PREX1: variants seen among roughly 807,000 people sequenced by gnomAD.
PREX1 encodes the protein phosphatidylinositol 3,4,5-trisphosphate-dependent Rac exchanger 1 protein.
In PREX1, 41 loss-of-function variants were observed where a neutral mutation model predicts 198.3. The ratio of observed to expected loss-of-function variants is 0.21; its 90% confidence interval spans 0.16 to 0.27. The LOEUF is 0.27. Among genes scored for constraint, PREX1 ranks in the 10% least tolerant of loss-of-function variants. The pLI is 1.00. For missense variants in PREX1, 1,620 were observed against 2,200.7 expected, an observed-to-expected ratio of 0.74 and a Z score of 5.28; for synonymous variants, 843 against 887.2, an observed-to-expected ratio of 0.95 and a Z score of 0.89.
intron 1 of PREX1, among the ~76,000 whole-genome samples, chr20:48,762,837 G>C (rs2090188928): frequency 6.6e-6 from 1 of 151,974 alleles, no homozygotes; most frequent in African/African-American, 2.4e-5. Context: ...CAAGTAGCTG[G>C]GATTACAGGT....
At position 48,649,981 on chromosome 20, in the gene PREX1, GAC is replaced by G; in HGVS notation, c.3028+13_3028+14del. The G allele has an allele frequency of 6.2e-7, 1 of 1,612,054 alleles. No homozygotes were observed. The highest frequency in any genetic ancestry group is 8.5e-7 in the Non-Finnish European group (1 of 1,178,372). ...CAACATCTGAACACAGTTTCTAATA[GAC>G]ACACACAGGTACCTTGCTCCGGGTC... On this transcript the variant is annotated intron_variant, in intron 24 of 39. Coordinates refer to ENST00000371941, the MANE Select transcript of PREX1 (RefSeq NM_020820.4).
At chr20:48,740,753 C>A (rs2090077652) in intron 3 of PREX1, among the ~76,000 whole-genome samples, 1 of 152,184 alleles carries the variant, frequency 6.6e-6, no homozygotes, top group Non-Finnish European at 1.5e-5. Context: ...AACACTGTAT[C>A]ACACACTGAG....
chr20:48,847,558 T>C, the PREX1 span, among the ~76,000 whole-genome samples: 9 of 152,174 alleles, frequency 5.9e-5, no homozygotes, highest in Admixed American at 5.2e-4. Context: ...AAAATGAAAA[T>C]TGCCTCTATT....
At chr20:48,675,407 T>C (rs991726157) in intron 14 of PREX1, among the ~76,000 whole-genome samples, 3 of 152,194 alleles carry the variant, frequency 2.0e-5, no homozygotes, top group African/African-American at 7.2e-5. Context: ...ACAAATAGAC[T>C]AACACACAAT....
At chr20:48,686,918 T>A (rs373161536) in intron 10 of PREX1, among the ~76,000 whole-genome samples, 1 of 152,156 alleles carries the variant, frequency 6.6e-6, no homozygotes, top group Admixed American at 6.5e-5. Context: ...GCACCCTGAA[T>A]GTCTATCAGC....
In PREX1 at chr20:48,645,924, CCTT is replaced by C. The variant is rs2089447448; in HGVS notation, c.3436_3438del (p.Lys1146del). On this transcript the variant is annotated inframe_deletion, in exon 26 of 40. Transcript: ENST00000371941. ...TCCTCCTCGGCCACCTTGAAGCACA[CCTT>C]CTTGATGCCCCCATGGTCACTCCTG... The C allele has an allele frequency of 6.2e-7, 1 of 1,614,240 alleles. No homozygotes were observed. Among genetic ancestry groups the C allele is most frequent in the East Asian group, 2.2e-5 (1 of 44,884 alleles).
At chr20:48,729,184 C>T (rs980400375) in intron 4 of PREX1, among the ~76,000 whole-genome samples, 1 of 152,038 alleles carries the variant, frequency 6.6e-6, no homozygotes, top group Non-Finnish European at 1.5e-5. Context: ...TCAAGTGATT[C>T]TCCTGCCTCA....
chr20:48,625,763 A>G lies in PREX1; in HGVS notation c.*122T>C. On this transcript the variant is annotated 3_prime_UTR_variant, in exon 40 of 40. Transcript: ENST00000371941. ...GAAGGAGGCAGGGAGGACGCTGGGC[A>G]GGTCCCGGAACGGGCGGCTGCGGAA... 1 of 1,185,910 alleles carries G rather than the reference A, an allele frequency of 8.4e-7. No individual in the cohort carries two copies. The highest frequency in any genetic ancestry group is 3.0e-5 in the East Asian group (1 of 33,756). The allele number at this position is 1,185,910 out of a possible 1,614,324, so 73.5% of individuals were successfully genotyped here.
At position 48,686,507 on chromosome 20, in the gene PREX1, G is replaced by A. The variant is rs75223441; in HGVS notation, c.1334+2150C>T. Among the ~76,000 whole-genome samples the A allele has an allele frequency of 7.9e-5, 12 of 152,326 alleles. No individual in the cohort carries two copies. In the East Asian group the frequency reaches 2.3e-3, roughly 29 times the overall value. ...TCCTCGAAGTTCTGATCACAGACAG[G>A]CTGCCTCATCGGTCCGGACTGAGCA... is the stretch of plus-strand genomic sequence containing the variant. On this transcript the variant is annotated intron_variant, in intron 10 of 39. Transcript: ENST00000371941.
At chr20:48,696,315 T>C (rs1428013496) in intron 7 of PREX1, among the ~76,000 whole-genome samples, 1 of 152,226 alleles carries the variant, frequency 6.6e-6, no homozygotes, top group Admixed American at 6.5e-5. Flanking sequence ...TTTCCCCCAC[T>C]GGATATCAAA....
chr20:48,632,258 G>T lies in PREX1; in HGVS notation c.4526+19C>A, dbSNP rs200731207. 1.2e-5 allele frequency: 20 copies of T among 1,612,306 alleles called. No homozygotes were observed. Among genetic ancestry groups the T allele is most frequent in the Non-Finnish European group, 1.7e-5 (20 of 1,178,936 alleles). On this transcript the variant is annotated intron_variant, in intron 35 of 39. Coordinates refer to ENST00000371941, the MANE Select transcript of PREX1 (RefSeq NM_020820.4). ...AGGTTTCCTGACTCCTGCCCCCAAC[G>T]GGGACCCCAGGCGGATACCTGAGTT...
chr20:48,761,826 C>A (rs1264700043), intron 1 of PREX1, among the ~76,000 whole-genome samples: 2 of 152,186 alleles, frequency 1.3e-5, no homozygotes, highest in Admixed American at 1.3e-4. Context: ...CTTTGGCCTG[C>A]AGAGGGGTTT....
chr20:48,800,395 T>C (rs922340710), intron 1 of PREX1, among the ~76,000 whole-genome samples: 3 of 152,188 alleles, frequency 2.0e-5, no homozygotes, highest in South Asian at 2.1e-4. Context: ...CTAAGCAAAC[T>C]GGGGCAGTTG....
chr20:48,728,536 AG>A (rs1330170846), intron 4 of PREX1, among the ~76,000 whole-genome samples: 10 of 152,222 alleles, frequency 6.6e-5, no homozygotes, highest in African/African-American at 1.4e-4. Context: ...CCCCTGGCAC[AG>A]ATGGGGGATT....
intron 1 of PREX1, among the ~76,000 whole-genome samples, chr20:48,759,076 C>G (rs1001235223): frequency 1.3e-5 from 2 of 152,104 alleles, no homozygotes; most frequent in Non-Finnish European, 2.9e-5. Flanking sequence ...CCTAAGCAAG[C>G]AGTATGTAAG....
At chr20:48,847,637 T>C in the PREX1 span, among the ~76,000 whole-genome samples, 10 of 152,310 alleles carry the variant, frequency 6.6e-5, no homozygotes, top group South Asian at 4.1e-4. Context: ...GTGGTGTTTT[T>C]TCATATTATT....
At chr20:48,884,688 C>T in the PREX1 span, among the ~76,000 whole-genome samples, 1 of 152,194 alleles carries the variant, frequency 6.6e-6, no homozygotes, top group Admixed American at 6.5e-5. Context: ...GAATTAAACA[C>T]TTGTGTTTCA....
chr20:48,657,108 C>T lies in PREX1; in HGVS notation c.2055G>A (p.Glu685=). 6.2e-7 allele frequency: 1 copy of T among 1,611,618 alleles called. No individual in the cohort carries two copies. The highest frequency in any genetic ancestry group is 8.5e-7 in the Non-Finnish European group (1 of 1,178,884). Residue 685 remains glutamate, a synonymous_variant, in exon 18 of 40, where the codon GAG becomes GAA. Coordinates refer to ENST00000371941, the MANE Select transcript of PREX1 (RefSeq NM_020820.4). ...LVFLRPFSEV[E]SILNQSFCSR... ...AGCAGAAGGACTGGTTGAGGATGGA[C>T]TCCACCTCTGAAAACGGCCGCAGGA...
chr20:48,735,813 CT>C (rs1185771856), intron 3 of PREX1, among the ~76,000 whole-genome samples: 6 of 152,256 alleles, frequency 3.9e-5, no homozygotes, highest in Admixed American at 2.0e-4. Flanking sequence ...CTCAAACCCC[CT>C]TAACCCCAGT....
Sources: gnomAD v4.1 joint callset for allele counts (sites outside exome capture counted in the v4.1 genomes callset) on GRCh38, gnomAD v4.1.1 for gene constraint, MANE v1.5 for transcripts, NCBI Gene and HGNC (gene_info 2026-07-23, HGNC 2026-07-21) for gene names.